Variants in NEK1 observed in about 807,000 individuals in gnomAD.
The protein encoded by NEK1 is NIMA related kinase 1.
In NEK1, 137 loss-of-function variants were observed where a neutral mutation model predicts 182.1. That is an observed-to-expected ratio of 0.75 (90% CI 0.65 to 0.87). The LOEUF (loss-of-function observed/expected upper bound fraction) is 0.87. Among genes scored for constraint, NEK1 ranks in the 40% least tolerant of loss-of-function variants. The pLI is 0.00. For synonymous variants in NEK1, 513 were observed against 492.2 expected, an observed-to-expected ratio of 1.04 and a Z score of -0.56; for missense variants, 1,391 against 1,494.4, an observed-to-expected ratio of 0.93 and a Z score of 1.14.
chr4:169,402,763 A>T (rs1360556439), intron 32 of NEK1, among the ~76,000 whole-genome samples: 1 of 152,232 alleles, frequency 6.6e-6, no homozygotes, highest in Admixed American at 6.5e-5. Flanking sequence ...AGTAAATGAC[A>T]GAGCACTGAA....
chr4:169,602,441 A>G, intron 3 of NEK1, 73 bp downstream of exon 3: 3 of 846,836 alleles, frequency 3.5e-6, no homozygotes, highest in Non-Finnish European at 5.7e-6. Context: ...TTTTTTTTTA[A>G]AGAAAATCTC....
intron 5 of NEK1, among the ~76,000 whole-genome samples, chr4:169,593,842 A>G (rs1362644095): frequency 6.6e-6 from 1 of 152,142 alleles, no homozygotes; most frequent in Non-Finnish European, 1.5e-5. Flanking sequence ...CAAAAAAATT[A>G]GCCAGGCGTG....
intron 27 of NEK1, among the ~76,000 whole-genome samples, chr4:169,444,759 C>T (rs988927265): frequency 7.2e-5 from 11 of 152,176 alleles, no homozygotes; most frequent in African/African-American, 2.4e-4. Context: ...ATGGACGTAA[C>T]AGACATCTAC....
chr4:169,399,140 G>A (rs1273287532), intron 35 of NEK1, among the ~76,000 whole-genome samples: 1 of 151,982 alleles, frequency 6.6e-6, no homozygotes, highest in Admixed American at 6.6e-5. Flanking sequence ...AGCTACTCAG[G>A]AGGCTGAGGC....
chr4:169,484,038 A>C (rs993870114), intron 23 of NEK1, among the ~76,000 whole-genome samples: 10 of 152,202 alleles, frequency 6.6e-5, no homozygotes, highest in Non-Finnish European at 7.3e-5. Context: ...AATAAAAACA[A>C]GCTCCAAAGT....
intron 23 of NEK1, among the ~76,000 whole-genome samples, chr4:169,495,568 T>C (rs920800565): frequency 1.3e-5 from 2 of 152,200 alleles, no homozygotes; most frequent in Non-Finnish European, 1.5e-5. Context: ...CCATCTTGAA[T>C]TAATTTTTGT....
In NEK1 at chr4:169,460,027, G is replaced by A. The variant is rs532832247; in HGVS notation, c.2587+3216C>T. Reference sequence around the variant, plus strand: ...AATTTTAATGTAAACTATACACTTTGGTGATAATGATGTGTCAACATTGGT... The same window carrying A: ...AATTTTAATGTAAACTATACACTTTAGTGATAATGATGTGTCAACATTGGT... On this transcript the variant is annotated intron_variant, in intron 27 of 35. Transcript: ENST00000507142. Among the ~76,000 whole-genome samples the A allele has an allele frequency of 5.9e-5, 9 of 152,168 alleles. No individual in the cohort carries two copies. The South Asian group carries it at 1.7e-3, about 28-fold the overall frequency.
chr4:169,472,782 T>G (rs1324613895), intron 26 of NEK1, among the ~76,000 whole-genome samples: 1 of 152,216 alleles, frequency 6.6e-6, no homozygotes, highest in African/African-American at 2.4e-5. Flanking sequence ...TAACTACTTT[T>G]CATGTATAAA....
chr4:169,474,383 T>C (rs980359130), intron 26 of NEK1, among the ~76,000 whole-genome samples: 2 of 152,234 alleles, frequency 1.3e-5, no homozygotes, highest in African/African-American at 4.8e-5. Context: ...TTCAAGTCTC[T>C]TTTTACACAA....
intron 10 of NEK1, among the ~76,000 whole-genome samples, chr4:169,582,429 G>A (rs1291506996): frequency 6.6e-6 from 1 of 152,182 alleles, no homozygotes; most frequent in Non-Finnish European, 1.5e-5. Context: ...AGGTGATTCT[G>A]ATGCATGCTA....
chr4:169,477,397 T>C (rs1452015564), intron 25 of NEK1, 35 bp downstream of exon 25: 1 of 1,568,764 alleles, frequency 6.4e-7, no homozygotes. Context: ...TATCATTAAG[T>C]AAAATGATTG....
At chr4:169,509,082 A>G (rs1449755415) in intron 19 of NEK1, among the ~76,000 whole-genome samples, 21 of 152,144 alleles carry the variant, frequency 1.4e-4, no homozygotes, top group Non-Finnish European at 5.9e-5. Context: ...AACAGAGACC[A>G]GCTATCTTTG....
intron 23 of NEK1, among the ~76,000 whole-genome samples, chr4:169,502,342 A>G (rs1752553883): frequency 6.6e-6 from 1 of 151,952 alleles, no homozygotes; most frequent in Non-Finnish European, 1.5e-5. Context: ...AAATTATTGA[A>G]AATAAATTAA....
chr4:169,438,317 T>C (rs1738806659), intron 27 of NEK1, 58 bp from the exon 28 acceptor site: 1 of 1,356,730 alleles, frequency 7.4e-7, no homozygotes, highest in Non-Finnish European at 1.0e-6. Flanking sequence ...ATTTTATCTG[T>C]AATGGCATTG....
At position 169,392,886 on chromosome 4, in the gene NEK1, A is replaced by C. The variant is rs1733642897; in HGVS notation, c.*1624T>G. The C allele has an allele frequency of 6.6e-6, 1 of 152,196 alleles. No homozygotes were observed. Among genetic ancestry groups the C allele is most frequent in the South Asian group, 2.1e-4 (1 of 4,828 alleles). The allele number at this position is 152,196 out of a possible 1,614,324, so 9.4% of individuals were successfully genotyped here. ...CCAACACTTATAATAGACCTTACTG[A>C]AAAATAGCCCTTTTCCTCACTGGCA... On this transcript the variant is annotated 3_prime_UTR_variant, in exon 36 of 36. Coordinates refer to ENST00000507142, the MANE Select transcript of NEK1 (RefSeq NM_001199397.3).
At position 169,535,880 on chromosome 4, in the gene NEK1, CA is replaced by C. The variant is rs58257441; in HGVS notation, c.1665+1928del. ...GGGCAACAAGAGTTAAACTCCGTGT[CA>C]AAAAAAAAAAAAAAAGAAAAGAAAA... On this transcript the variant is annotated intron_variant, in intron 19 of 35. Transcript: ENST00000507142. Among the ~76,000 whole-genome samples, 168 of 84,968 alleles carry C rather than the reference CA, an allele frequency of 2.0e-3. 2 individuals carry two copies. In the East Asian group the frequency reaches 0.02, roughly 10 times the overall value. The allele number at this position is 84,968 out of a possible 152,430, so 55.7% of individuals were successfully genotyped here.
chr4:169,481,880 A>G (rs1013199009), intron 23 of NEK1, among the ~76,000 whole-genome samples: 3 of 152,188 alleles, frequency 2.0e-5, no homozygotes, highest in Non-Finnish European at 2.9e-5. Context: ...GAAGCCAGGT[A>G]TTGACTTCTC....
At chr4:169,539,630 T>C (rs763176116) in intron 18 of NEK1, among the ~76,000 whole-genome samples, 8 of 152,214 alleles carry the variant, frequency 5.3e-5, no homozygotes, top group Non-Finnish European at 8.8e-5. Flanking sequence ...AAGGTAAGGC[T>C]GTATTCTGTT....
At chr4:169,404,879 T>TCCCTCCTAGATTCAGGATTC (rs1732316967) in intron 32 of NEK1, among the ~76,000 whole-genome samples, 2 of 152,126 alleles carry the variant, frequency 1.3e-5, no homozygotes, top group Admixed American at 1.3e-4. Flanking sequence ...TTGTTAAATT[T>TCCCTCCTAGATTCAGGATTC]CCCTCCTAGA....
Sources: gnomAD v4.1 joint callset for allele counts (sites outside exome capture counted in the v4.1 genomes callset) on GRCh38, gnomAD v4.1.1 for gene constraint, MANE v1.5 for transcripts, NCBI Gene and HGNC (gene_info 2026-07-23, HGNC 2026-07-21) for gene names.